Variants in DPYSL3 observed in about 807,000 individuals in gnomAD.
DPYSL3 encodes dihydropyrimidinase like 3, also known as dihydropyrimidinase-related protein 3.
Under a neutral mutation model 66.1 loss-of-function variants are expected in DPYSL3, and 16 were observed. The observed-to-expected ratio is 0.24, with a 90% CI of 0.16 to 0.37. The LOEUF (loss-of-function observed/expected upper bound fraction) is 0.37, where lower values mean the gene tolerates loss of function less well. Ranked by LOEUF, DPYSL3 falls within the 10% of genes least tolerant of loss-of-function variation. The pLI is 1.00. For missense variants in DPYSL3, 738 were observed against 916.2 expected, an observed-to-expected ratio of 0.81 and a Z score of 2.51; for synonymous variants, 338 against 345.1, an observed-to-expected ratio of 0.98 and a Z score of 0.23.
chr5:147,493,544 A>G (rs1193019988), intron 1 of DPYSL3, among the ~76,000 whole-genome samples: 1 of 152,102 alleles, frequency 6.6e-6, no homozygotes, highest in Non-Finnish European at 1.5e-5. Flanking sequence ...ACTGCACTCC[A>G]GCCTGGGTGA....
chr5:147,402,940 C>A (rs1162677278), intron 8 of DPYSL3, among the ~76,000 whole-genome samples: 2 of 152,118 alleles, frequency 1.3e-5, no homozygotes, highest in African/African-American at 4.8e-5. Context: ...CCAAAGCTAC[C>A]CTATACAGCC....
intron 4 of DPYSL3, among the ~76,000 whole-genome samples, chr5:147,415,273 G>T (rs938787881): frequency 6.6e-6 from 1 of 152,084 alleles, no homozygotes; most frequent in Non-Finnish European, 1.5e-5. Flanking sequence ...GATAGTAAGG[G>T]TTTGATCTCT....
chr5:147,465,312 T>C (rs1174060617), intron 1 of DPYSL3, among the ~76,000 whole-genome samples: 1 of 151,860 alleles, frequency 6.6e-6, no homozygotes, highest in Non-Finnish European at 1.5e-5. Context: ...AGGTCTCTCT[T>C]TTTTTTTGAC....
At chr5:147,429,320 G>A (rs759000114) in intron 1 of DPYSL3, among the ~76,000 whole-genome samples, 5 of 152,124 alleles carry the variant, frequency 3.3e-5, no homozygotes, top group Admixed American at 6.5e-5. Context: ...GCAAGTTTGG[G>A]TCCAGCTAGG....
At chr5:147,404,055 T>A (rs1028734815) in intron 8 of DPYSL3, among the ~76,000 whole-genome samples, 3 of 152,084 alleles carry the variant, frequency 2.0e-5, no homozygotes, top group Non-Finnish European at 4.4e-5. Context: ...GTGGTCACAG[T>A]TGGCAGGGGT....
At chr5:147,469,714 A>G (rs1753057367) in intron 1 of DPYSL3, among the ~76,000 whole-genome samples, 1 of 152,186 alleles carries the variant, frequency 6.6e-6, no homozygotes, top group Admixed American at 6.5e-5. Context: ...TCAGATTCTC[A>G]AAGGGTGTAT....
chr5:147,456,662 C>G (rs973838891), intron 1 of DPYSL3, among the ~76,000 whole-genome samples: 1 of 141,930 alleles, frequency 7.0e-6, no homozygotes, highest in African/African-American at 2.7e-5. Context: ...GTGATCTCGG[C>G]TCACAGCAAC....
intron 6 of DPYSL3, among the ~76,000 whole-genome samples, chr5:147,412,031 G>C (rs1030264204): frequency 5.3e-5 from 8 of 152,172 alleles, no homozygotes; most frequent in Non-Finnish European, 2.9e-5. Context: ...AGCAGCCCAG[G>C]AGATGGAGAG....
At chr5:147,419,307 T>C (rs931895294) in intron 2 of DPYSL3, among the ~76,000 whole-genome samples, 3 of 152,080 alleles carry the variant, frequency 2.0e-5, no homozygotes, top group African/African-American at 7.2e-5. Context: ...TTAGCCGAGC[T>C]GAGTGATTAT....
At chr5:147,430,547 A>G (rs1189060116) in intron 1 of DPYSL3, among the ~76,000 whole-genome samples, 4 of 151,702 alleles carry the variant, frequency 2.6e-5, no homozygotes, top group Non-Finnish European at 5.9e-5. Flanking sequence ...AAAAGAAAAA[A>G]GAAAGGAAGG....
intron 1 of DPYSL3, among the ~76,000 whole-genome samples, chr5:147,455,910 TTGTG>T (rs72112283): frequency 0.04 from 5,907 of 148,498 alleles, 356 homozygotes; most frequent in African/African-American, 0.13. Context: ...GATCACTTGA[TTGTG>T]TGTGTGTGTG....
Position 147,466,820 on chromosome 5 carries a change from G to A in DPYSL3, c.382-41857C>T, listed in dbSNP as rs1443927415. Among the ~76,000 whole-genome samples the A allele has an allele frequency of 2.6e-5, 4 of 152,124 alleles. No individual in the cohort carries two copies. The East Asian group carries it at 7.7e-4, about 29-fold the overall frequency. ...GTACTCAGCTATAGCAAATGTTCCA[G>A]GGCCATTGGCCTCATTAGTTCTGGC... On this transcript the variant is annotated intron_variant, in intron 1 of 13. Coordinates refer to ENST00000343218, the MANE Select transcript of DPYSL3 (RefSeq NM_001197294.2).
At chr5:147,398,969 T>G in intron 11 of DPYSL3, 113 bp downstream of exon 11, 1 of 1,392,702 alleles carries the variant, frequency 7.2e-7, no homozygotes, top group Admixed American at 2.3e-5. Context: ...GGATTATTAT[T>G]GCAACCCGTC....
chr5:147,402,431 T>C (rs1758215660), intron 8 of DPYSL3, among the ~76,000 whole-genome samples: 1 of 134,472 alleles, frequency 7.4e-6, no homozygotes, highest in Admixed American at 7.0e-5. Flanking sequence ...CACTGCAAGC[T>C]CCGCCTCCCG....
intron 1 of DPYSL3, among the ~76,000 whole-genome samples, chr5:147,508,298 G>A (rs1394662746): frequency 9.2e-5 from 14 of 152,160 alleles, no homozygotes; most frequent in Non-Finnish European, 1.9e-4. Context: ...AAATCAAACA[G>A]TGAACAGAGA....
At chr5:147,425,678 A>C (rs1055310026) in intron 1 of DPYSL3, among the ~76,000 whole-genome samples, 1 of 152,184 alleles carries the variant, frequency 6.6e-6, no homozygotes, top group East Asian at 1.9e-4. Context: ...CCTTTTTAAA[A>C]ACTATAACTT....
intron 7 of DPYSL3, among the ~76,000 whole-genome samples, chr5:147,407,374 A>G (rs3792843): frequency 0.053 from 8,055 of 152,154 alleles, 535 homozygotes; most frequent in East Asian, 0.18. Flanking sequence ...TGGGGTGGTA[A>G]GGCTAAGGGG....
chr5:147,425,553 T>C (rs1011177789), intron 1 of DPYSL3, among the ~76,000 whole-genome samples: 5 of 152,248 alleles, frequency 3.3e-5, no homozygotes, highest in African/African-American at 1.2e-4. Flanking sequence ...GTATCTATAG[T>C]ATTTAACTTA....
intron 1 of DPYSL3, among the ~76,000 whole-genome samples, chr5:147,491,181 A>G (rs1753409823): frequency 6.6e-6 from 1 of 152,208 alleles, no homozygotes; most frequent in Admixed American, 6.5e-5. Flanking sequence ...AGCACCCTCC[A>G]GCTGTCCTTT....
Sources: gnomAD v4.1 joint callset for allele counts (sites outside exome capture counted in the v4.1 genomes callset) on GRCh38, gnomAD v4.1.1 for gene constraint, MANE v1.5 for transcripts, NCBI Gene and HGNC (gene_info 2026-07-23, HGNC 2026-07-21) for gene names.